CSMD1: variants seen among roughly 807,000 people sequenced by gnomAD.
CSMD1 encodes the protein CUB and sushi domain-containing protein 1.
Under a neutral mutation model 417.5 loss-of-function variants are expected in CSMD1, and 213 were observed. That is an observed-to-expected ratio of 0.51 (90% CI 0.46 to 0.57). The LOEUF (loss-of-function observed/expected upper bound fraction) is 0.57, where lower values mean the gene tolerates loss of function less well. CSMD1 is among the 20% of genes least tolerant of loss of function. CSMD1 has a pLI of 0.00. For synonymous variants in CSMD1, 2,862 were observed against 1,736.8 expected (o/e 1.65, Z -16.11); for missense variants, 6,923 against 4,529.7 (o/e 1.53, Z -15.17).
At chr8:4,404,997 G>A (rs190994060) in intron 3 of CSMD1, among the ~76,000 whole-genome samples, 2 of 152,294 alleles carry the variant, frequency 1.3e-5, no homozygotes, top group East Asian at 1.9e-4. Context: ...TTTTCTCAAG[G>A]CTAAAAGCTA....
intron 5 of CSMD1, among the ~76,000 whole-genome samples, chr8:3,774,629 C>G (rs1798801729): frequency 1.3e-5 from 2 of 152,172 alleles, no homozygotes; most frequent in South Asian, 2.1e-4. Context: ...TTCTCACTAT[C>G]TTTGTTGAAC....
chr8:3,794,649 G>A (rs1020655058), intron 5 of CSMD1, among the ~76,000 whole-genome samples: 1 of 151,866 alleles, frequency 6.6e-6, no homozygotes, highest in African/African-American at 2.4e-5. Context: ...ATGACTAGAA[G>A]TTATGTGATT....
At chr8:4,471,724 C>G (rs1017849990) in intron 2 of CSMD1, among the ~76,000 whole-genome samples, 3 of 138,996 alleles carry the variant, frequency 2.2e-5, no homozygotes, top group Admixed American at 1.5e-4. Context: ...AAAAATGCAG[C>G]AAACACGCGG....
intron 3 of CSMD1, among the ~76,000 whole-genome samples, chr8:4,185,686 C>G (rs1798630168): frequency 6.6e-6 from 1 of 152,126 alleles, no homozygotes; most frequent in African/African-American, 2.4e-5. Context: ...CAATGAATGT[C>G]TAGTTTGAAG....
chr8:4,723,466 G>C (rs887075305), intron 1 of CSMD1, among the ~76,000 whole-genome samples: 1 of 152,104 alleles, frequency 6.6e-6, no homozygotes, highest in African/African-American at 2.4e-5. Context: ...TATGATTCAA[G>C]TCACTAAAGT....
At chr8:3,396,519 AC>A (rs1811711394) in intron 16 of CSMD1, 138 bp from the exon 17 acceptor site, 1 of 605,066 alleles carries the variant, frequency 1.7e-6, no homozygotes. Flanking sequence ...TATGCTTAAA[AC>A]TTGGGTACAA....
chr8:4,505,286 G>A (rs1194190280), intron 2 of CSMD1, among the ~76,000 whole-genome samples: 2 of 152,118 alleles, frequency 1.3e-5, no homozygotes, highest in East Asian at 3.9e-4. Context: ...CTTTAGAACA[G>A]AGGAAAATCA....
chr8:4,660,420 G>C (rs1382089123), intron 1 of CSMD1, among the ~76,000 whole-genome samples: 1 of 151,982 alleles, frequency 6.6e-6, no homozygotes, highest in African/African-American at 2.4e-5. Flanking sequence ...TGTCAGAAAA[G>C]TAAACATAGG....
At chr8:3,646,794 T>C (rs957927883) in intron 7 of CSMD1, among the ~76,000 whole-genome samples, 1 of 152,128 alleles carries the variant, frequency 6.6e-6, no homozygotes, top group Non-Finnish European at 1.5e-5. Flanking sequence ...TCCTTCCTCA[T>C]TGTTCCAGCC....
At chr8:4,811,499 T>C (rs1798906009) in intron 1 of CSMD1, among the ~76,000 whole-genome samples, 1 of 152,190 alleles carries the variant, frequency 6.6e-6, no homozygotes, top group African/African-American at 2.4e-5. Flanking sequence ...ATTTAGGGGA[T>C]TGGTGGCAAT....
chr8:3,960,502 A>T (rs957180487), intron 5 of CSMD1, among the ~76,000 whole-genome samples: 8 of 152,196 alleles, frequency 5.3e-5, no homozygotes, highest in African/African-American at 1.9e-4. Flanking sequence ...TCTTATAAAT[A>T]TTGAGAAAAT....
rs1165646709 is a variant in CSMD1 at position 4,423,068 on chromosome 8, TA to T, written c.303-3004del. On this transcript the variant is annotated intron_variant, in intron 2 of 69. Transcript: ENST00000635120. ...TATCTCTACAAAAATAAAAAAAATT[TA>T]AAAAAGCCTAAAGATAACATTTTGC... is the stretch of plus-strand genomic sequence containing the variant. Among the ~76,000 whole-genome samples, 7 of 152,132 alleles carry T rather than the reference TA, an allele frequency of 4.6e-5. No individual in the cohort carries two copies. In the East Asian group the frequency reaches 1.4e-3, roughly 29 times the overall value.
At chr8:3,657,146 G>C (rs150235835) in intron 7 of CSMD1, among the ~76,000 whole-genome samples, 4 of 152,042 alleles carry the variant, frequency 2.6e-5, no homozygotes, top group African/African-American at 9.6e-5. Flanking sequence ...CTAGCATTTG[G>C]CTACAAAAAA....
At chr8:3,701,059 G>A (rs1226586325) in intron 7 of CSMD1, among the ~76,000 whole-genome samples, 3 of 151,938 alleles carry the variant, frequency 2.0e-5, no homozygotes, top group African/African-American at 4.8e-5. Context: ...CCAAGAGGCC[G>A]GAGAGAGGGG....
At chr8:4,030,560 CAAAA>C (rs1413949917) in intron 4 of CSMD1, among the ~76,000 whole-genome samples, 1 of 152,124 alleles carries the variant, frequency 6.6e-6, no homozygotes, top group East Asian at 1.9e-4. Flanking sequence ...GCCCGGCCCT[CAAAA>C]CTACTTTTAT....
chr8:4,435,822 G>C (rs556790519), intron 2 of CSMD1, among the ~76,000 whole-genome samples: 13 of 152,314 alleles, frequency 8.5e-5, no homozygotes, highest in Non-Finnish European at 1.8e-4. Context: ...AACACCTTCA[G>C]GGCAGGGTGT....
At chr8:4,718,229 A>G (rs1478881678) in intron 1 of CSMD1, among the ~76,000 whole-genome samples, 10 of 152,222 alleles carry the variant, frequency 6.6e-5, no homozygotes, top group Non-Finnish European at 1.5e-5. Context: ...CTCCTGTCTC[A>G]GCCTCCCAAA....
intron 2 of CSMD1, among the ~76,000 whole-genome samples, chr8:4,440,661 CT>C (rs1798415642): frequency 6.6e-6 from 1 of 152,166 alleles, no homozygotes; most frequent in Non-Finnish European, 1.5e-5. Flanking sequence ...TACATTTGTG[CT>C]GCTTGAGAAT....
chr8:4,224,128 G>T (rs1285382473), intron 3 of CSMD1, among the ~76,000 whole-genome samples: 5 of 152,102 alleles, frequency 3.3e-5, no homozygotes, highest in Non-Finnish European at 5.9e-5. Flanking sequence ...AACATACCAT[G>T]AGGACACTTA....
Sources: gnomAD v4.1 joint callset for allele counts (sites outside exome capture counted in the v4.1 genomes callset) on GRCh38, gnomAD v4.1.1 for gene constraint, MANE v1.5 for transcripts, NCBI Gene and HGNC (gene_info 2026-07-23, HGNC 2026-07-21) for gene names.